Variants in PRKG1 observed in about 807,000 individuals in gnomAD.
PRKG1 encodes protein kinase cGMP-dependent 1.
Under a neutral mutation model 88.1 loss-of-function variants are expected in PRKG1, and 35 were observed. The ratio of observed to expected loss-of-function variants is 0.40; its 90% CI spans 0.30 to 0.53. The LOEUF (loss-of-function observed/expected upper bound fraction) is 0.53, where lower values mean the gene tolerates loss of function less well. PRKG1 is among the 20% of genes least tolerant of loss of function. PRKG1 has a pLI of 0.59. For missense variants in PRKG1, 540 were observed against 839.8 expected (o/e 0.64, Z 4.41); for synonymous variants, 303 against 292.5 (o/e 1.04, Z -0.37).
At chr10:51,748,454 G>A (rs1837635866) in intron 3 of PRKG1, among the ~76,000 whole-genome samples, 1 of 152,016 alleles carries the variant, frequency 6.6e-6, no homozygotes, top group South Asian at 2.1e-4. Flanking sequence ...TCTTTTAAAA[G>A]GCATCCTAAG....
chr10:52,175,213 C>T (rs59411921), intron 9 of PRKG1, among the ~76,000 whole-genome samples: 1,719 of 152,176 alleles, frequency 0.011, 32 homozygotes, highest in African/African-American at 0.04. Flanking sequence ...TTTTCAGCCT[C>T]CACATATGAG....
intron 1 of PRKG1, among the ~76,000 whole-genome samples, chr10:51,021,261 G>A (rs1843132845): frequency 6.6e-6 from 1 of 152,164 alleles, no homozygotes; most frequent in Non-Finnish European, 1.5e-5. Context: ...CAGCATCACT[G>A]CAGGGTTAGA....
At chr10:51,637,694 C>T (rs540324828) in intron 3 of PRKG1, among the ~76,000 whole-genome samples, 5 of 152,254 alleles carry the variant, frequency 3.3e-5, no homozygotes, top group East Asian at 1.9e-4. Context: ...TGCATGTTCT[C>T]ACTTACAAGT....
intron 3 of PRKG1, among the ~76,000 whole-genome samples, chr10:51,650,217 T>A (rs1840007534): frequency 6.6e-6 from 1 of 152,190 alleles, no homozygotes; most frequent in African/African-American, 2.4e-5. Context: ...TCTTGTGGAA[T>A]CTGGACTTGT....
At chr10:51,628,972 A>AAAAC (rs1554827084) in intron 3 of PRKG1, among the ~76,000 whole-genome samples, 7 of 84,150 alleles carry the variant, frequency 8.3e-5, no homozygotes, top group Admixed American at 1.3e-4. Flanking sequence ...TCTCAAAAAA[A>AAAAC]AAAAAAACAA....
At chr10:51,737,608 CA>C (rs1301343880) in intron 3 of PRKG1, among the ~76,000 whole-genome samples, 2 of 152,060 alleles carry the variant, frequency 1.3e-5, no homozygotes, top group Non-Finnish European at 2.9e-5. Context: ...CTGGTTTGTG[CA>C]AGTCATCTAC....
chr10:51,190,573 G>C (rs190941877), intron 2 of PRKG1, among the ~76,000 whole-genome samples: 8 of 151,938 alleles, frequency 5.3e-5, no homozygotes, highest in Admixed American at 5.3e-4. Context: ...AGCTGCTCTA[G>C]GTTGTTCCTT....
chr10:51,368,541 C>A (rs975371782), intron 2 of PRKG1, among the ~76,000 whole-genome samples: 24 of 151,984 alleles, frequency 1.6e-4, no homozygotes, highest in African/African-American at 5.6e-4. Flanking sequence ...TTATATTCCT[C>A]CAAAATCTTA....
chr10:52,004,509 G>A (rs949070150), intron 5 of PRKG1, among the ~76,000 whole-genome samples: 21 of 152,128 alleles, frequency 1.4e-4, no homozygotes, highest in Non-Finnish European at 2.2e-4. Context: ...CTAGACAAAA[G>A]ATCCCCATCT....
At chr10:51,927,721 T>G (rs1842609729) in intron 5 of PRKG1, among the ~76,000 whole-genome samples, 1 of 152,170 alleles carries the variant, frequency 6.6e-6, no homozygotes, top group African/African-American at 2.4e-5. Context: ...TGACCCCTCC[T>G]TCTATTACTA....
chr10:51,729,096 TG>T (rs911230191), intron 3 of PRKG1, among the ~76,000 whole-genome samples: 1 of 152,206 alleles, frequency 6.6e-6, no homozygotes, highest in Non-Finnish European at 1.5e-5. Flanking sequence ...AATGGAAAGA[TG>T]ACTCTCTGTT....
chr10:51,271,324 G>C (rs551292044), intron 2 of PRKG1, among the ~76,000 whole-genome samples: 1 of 151,642 alleles, frequency 6.6e-6, no homozygotes, highest in African/African-American at 2.4e-5. Context: ...TGCCAAAAGT[G>C]TTTAGTTCCA....
intron 9 of PRKG1, among the ~76,000 whole-genome samples, chr10:52,191,799 C>A (rs1392581725): frequency 6.6e-6 from 1 of 152,124 alleles, no homozygotes; most frequent in East Asian, 1.9e-4. Flanking sequence ...TTTTAGTACA[C>A]AATGATGATG....
intron 2 of PRKG1, among the ~76,000 whole-genome samples, chr10:51,421,216 G>A (rs1314864670): frequency 2.0e-5 from 3 of 152,152 alleles, no homozygotes; most frequent in African/African-American, 4.8e-5. Context: ...CTGTCACCCA[G>A]GTTGGAGGGC....
intron 2 of PRKG1, among the ~76,000 whole-genome samples, chr10:51,448,160 A>G (rs1245037907): frequency 6.6e-6 from 1 of 152,006 alleles, no homozygotes; most frequent in Non-Finnish European, 1.5e-5. Flanking sequence ...AGGTGGGAGA[A>G]TCACTTGAGT....
chr10:52,079,179 A>T (rs1846705674), intron 7 of PRKG1, among the ~76,000 whole-genome samples: 1 of 152,202 alleles, frequency 6.6e-6, no homozygotes. Context: ...AATTTTATTG[A>T]CAGTTCTTCC....
intron 2 of PRKG1, among the ~76,000 whole-genome samples, chr10:51,186,201 A>T (rs1433537043): frequency 6.6e-6 from 1 of 151,580 alleles, no homozygotes; most frequent in Admixed American, 6.6e-5. Context: ...CATATGCAGG[A>T]TATTCTTTGC....
chr10:51,743,179 C>G (rs1689382356), intron 3 of PRKG1, among the ~76,000 whole-genome samples: 1 of 152,024 alleles, frequency 6.6e-6, no homozygotes, highest in South Asian at 2.1e-4. Flanking sequence ...AATACCGGGC[C>G]TATTTGAAAG....
intron 3 of PRKG1, chr10:51,699,487 C>A: frequency 6.2e-7 from 1 of 1,613,714 alleles, no homozygotes; most frequent in Non-Finnish European, 8.5e-7. Context: ...ATGGAATGTT[C>A]CCCACGAACA....
Sources: allele counts gnomAD v4.1 joint callset (sites outside exome capture counted in the v4.1 genomes callset), GRCh38; gene constraint gnomAD v4.1.1; transcripts MANE v1.5; gene names NCBI Gene and HGNC (gene_info 2026-07-23, HGNC 2026-07-21).